The following NCKAP1L variants were observed in gnomAD, a reference collection of about 807,000 sequenced individuals.
NCKAP1L encodes the protein nck-associated protein 1-like.
Under a neutral mutation model 139.2 loss-of-function variants are expected in NCKAP1L, and 53 were observed. The ratio of observed to expected loss-of-function variants is 0.38; its 90% CI spans 0.31 to 0.48. The LOEUF is 0.48. Among genes scored for constraint, NCKAP1L ranks in the 20% least tolerant of loss-of-function variants. The pLI, the probability that NCKAP1L is intolerant of heterozygous loss-of-function variation, is 0.98. For missense variants in NCKAP1L, 1,151 were observed against 1,381.9 expected (o/e 0.83, Z 2.65); for synonymous variants, 468 against 499.7 (o/e 0.94, Z 0.85).
intron 18 of NCKAP1L, among the ~76,000 whole-genome samples, chr12:54,522,215 ATAAT>A (rs1956989412): frequency 6.6e-6 from 1 of 152,220 alleles, no homozygotes; most frequent in Non-Finnish European, 1.5e-5. Flanking sequence ...AGAAATTTAA[ATAAT>A]TAATGCAAGA....
Position 54,517,911 on chromosome 12 carries a change from T to A in NCKAP1L, c.1311T>A (p.Asp437Glu). The A allele has an allele frequency of 6.2e-7, 1 of 1,614,204 alleles. No individual in the cohort carries two copies. Among genetic ancestry groups the A allele is most frequent in the South Asian group, 1.1e-5 (1 of 91,080 alleles). The change falls in exon 13 of 31, where the codon GAT becomes GAA. Residue 437 changes from aspartate to glutamate, a missense_variant. By Grantham distance (45) the Asp-to-Glu change is conservative. Coordinates refer to ENST00000293373, the MANE Select transcript of NCKAP1L (RefSeq NM_005337.5). ...ACCTTCAGTACTTGGCAAGATTTGA[T>A]GCTCTTGTGCTCAGTGACATCATTC... is the stretch of plus-strand genomic sequence containing the variant. ...QYHLQYLARF[D>E]ALVLSDIIQN... is the part of the protein sequence containing the mutation.
chr12:54,535,782 C>G (rs546439430), intron 27 of NCKAP1L, among the ~76,000 whole-genome samples: 2 of 152,332 alleles, frequency 1.3e-5, no homozygotes, highest in African/African-American at 4.8e-5. Context: ...TTCTTCTTCT[C>G]TCATGGTGGG....
chr12:54,521,743 C>A (rs1271050787), intron 18 of NCKAP1L, among the ~76,000 whole-genome samples: 1 of 152,100 alleles, frequency 6.6e-6, no homozygotes, highest in Admixed American at 6.5e-5. Context: ...ACTCTTAGCA[C>A]CTCGTCATAA....
rs140186453 is a variant in NCKAP1L at position 54,516,252 on chromosome 12, G to T, written c.955G>T (p.Val319Leu). The T allele has an allele frequency of 1.5e-5, 25 of 1,613,874 alleles. No homozygotes were observed. Among genetic ancestry groups the T allele is most frequent in the Admixed American group, 8.3e-5 (5 of 60,000 alleles). Residue 319 changes from valine to leucine, a missense_variant, in exon 10 of 31, where the codon GTG becomes TTG. Transcript: ENST00000293373. ...FSSLKGYGKR[V>L]ADIKESKEHV... ...GTCAATCCTCAGGTATGGCAAGAGA[G>T]TGGCAGACATAAAGGAGAGCAAGGA... is the stretch of plus-strand genomic sequence containing the variant.
chr12:54,534,507 C>T (rs541583174), intron 26 of NCKAP1L, among the ~76,000 whole-genome samples: 22 of 152,202 alleles, frequency 1.4e-4, no homozygotes, highest in South Asian at 1.0e-3. Flanking sequence ...GTGGTACCAA[C>T]GTAAGGAGGG....
intron 30 of NCKAP1L, among the ~76,000 whole-genome samples, 194 bp from the exon 31 acceptor site, chr12:54,542,381 G>A (rs557085701): frequency 1.2e-4 from 18 of 152,272 alleles, no homozygotes; most frequent in African/African-American, 4.3e-4. Context: ...CAGGGTCAAT[G>A]ATAATGGAGC....
intron 27 of NCKAP1L, 63 bp downstream of exon 27, chr12:54,535,260 A>AAAATG: frequency 7.9e-7 from 1 of 1,271,792 alleles, no homozygotes; most frequent in Non-Finnish European, 1.1e-6. Context: ...TTTGGGTGAA[A>AAAATG]AAATGTCAAT....
intron 25 of NCKAP1L, 54 bp downstream of exon 25, chr12:54,531,879 G>A: frequency 3.6e-6 from 5 of 1,391,194 alleles, no homozygotes; most frequent in South Asian, 2.4e-5. Flanking sequence ...CTGTGGGTAG[G>A]GTTTGTATGA....
At chr12:54,513,468 T>G (rs1301313266) in intron 9 of NCKAP1L, among the ~76,000 whole-genome samples, 1 of 152,020 alleles carries the variant, frequency 6.6e-6, no homozygotes, top group African/African-American at 2.4e-5. Flanking sequence ...GGAGCACATG[T>G]GGAGTGAGAA....
At chr12:54,512,154 C>T in intron 9 of NCKAP1L, 49 bp downstream of exon 9, 1 of 1,579,066 alleles carries the variant, frequency 6.3e-7, no homozygotes, top group East Asian at 2.2e-5. Flanking sequence ...GTTTTTAGCC[C>T]CTCCAATATC....
Position 54,518,732 on chromosome 12 carries a change from G to T in NCKAP1L, c.1420G>T (p.Val474Phe). 3.7e-6 allele frequency: 6 copies of T among 1,611,170 alleles called. No homozygotes were observed. The highest frequency in any genetic ancestry group is 5.1e-6 in the Non-Finnish European group (6 of 1,177,400). ...CCTCTCCTCTCTGAATCTCAAACAA[G>T]GTAACTGGAGGGAGGTGGGGGAGGC... ...SILSSLNLKQVDNGEKFEFSG... is the reference protein window; with the variant it reads ...SILSSLNLKQFDNGEKFEFSG... The change falls in exon 14 of 31, where the codon GTT (valine) becomes TTT (phenylalanine). Residue 474 changes from valine (V) to phenylalanine (F), a missense_variant and splice_region_variant. Transcript: ENST00000293373.
chr12:54,504,063 T>A (rs1956823375), intron 3 of NCKAP1L, among the ~76,000 whole-genome samples: 1 of 152,246 alleles, frequency 6.6e-6, no homozygotes, highest in Admixed American at 6.5e-5. Flanking sequence ...CTAAAATGTA[T>A]ATTTACATAG....
chr12:54,510,246 T>C, intron 7 of NCKAP1L: 3 of 528,752 alleles, frequency 5.7e-6, no homozygotes, highest in Non-Finnish European at 1.0e-5. Flanking sequence ...TAAATATTCA[T>C]AGAATGAATG....
chr12:54,516,969 G>T lies in NCKAP1L; in HGVS notation c.1072G>T (p.Glu358Ter). The change falls in exon 11 of 31, where the codon GAA becomes TAA. Residue 358 changes from glutamate to a stop codon, truncating the protein, a stop_gained. Coordinates refer to ENST00000293373, the MANE Select transcript of NCKAP1L (RefSeq NM_005337.5). LOFTEE classifies it high-confidence loss of function. ...VKELETVLADEPGLLGPKALF... is the reference protein window; with the variant it reads ...VKELETVLAD ...GGAGCTGGAGACTGTGTTGGCTGAT[G>T]AACCGGGACTACTGGGTCCTAAGGC... 2 of 1,612,476 alleles carry T rather than the reference G, an allele frequency of 1.2e-6. No homozygotes were observed. The highest frequency in any genetic ancestry group is 2.2e-5 in the South Asian group (2 of 91,028).
At chr12:54,499,109 A>G (rs996506419) in intron 1 of NCKAP1L, among the ~76,000 whole-genome samples, 2 of 151,974 alleles carry the variant, frequency 1.3e-5, no homozygotes, top group African/African-American at 4.8e-5. Flanking sequence ...TATTTTTAGT[A>G]GAGACGGGGT....
intron 12 of NCKAP1L, 62 bp downstream of exon 12, chr12:54,517,704 G>T (rs1009261322): frequency 2.0e-5 from 31 of 1,585,122 alleles, no homozygotes; most frequent in Non-Finnish European, 2.5e-5. Flanking sequence ...GGAGGCATCA[G>T]ATGACCTTAG....
In NCKAP1L at chr12:54,521,078, C is replaced by A. The variant is rs143733818; in HGVS notation, c.1759-41C>A. 53 of 1,611,800 alleles carry A rather than the reference C, an allele frequency of 3.3e-5. No homozygotes were observed. In the East Asian group the frequency reaches 1.1e-3, roughly 35 times the overall value. On this transcript the variant is annotated intron_variant, in intron 17 of 30. Coordinates refer to ENST00000293373, the MANE Select transcript of NCKAP1L (RefSeq NM_005337.5). ...GTATTGTGAGGAAGAAGTGGCCGTG[C>A]TGGTGATGACAGTCTCTTCTTTGGT...
In NCKAP1L at chr12:54,519,254, A is replaced by G. The variant is rs769716123; in HGVS notation, c.1547A>G (p.Asn516Ser). 3.1e-6 allele frequency: 5 copies of G among 1,590,656 alleles called. No individual in the cohort carries two copies. The highest frequency in any genetic ancestry group is 1.4e-5 in the African/African-American group (1 of 73,388). The change falls in exon 16 of 31, where the codon AAC (asparagine) becomes AGC (serine). Residue 516 changes from asparagine to serine, a missense_variant. By Grantham distance (46) the Asn-to-Ser change is conservative. Coordinates refer to ENST00000293373, the MANE Select transcript of NCKAP1L (RefSeq NM_005337.5). ...AACCCTGACTTAGCCAAGGTGATGA[A>G]CCTCATTGTCTTCCACTCCCGAATG... ...HENPDLAKVM[N>S]LIVFHSRMLD... is the part of the protein sequence containing the mutation.
intron 21 of NCKAP1L, among the ~76,000 whole-genome samples, chr12:54,527,285 A>G (rs1469814509): frequency 1.3e-5 from 2 of 152,224 alleles, no homozygotes; most frequent in Non-Finnish European, 2.9e-5. Context: ...TACCTCCCCA[A>G]GCCACTGGGT....
Sources: gnomAD v4.1 joint callset for allele counts (sites outside exome capture counted in the v4.1 genomes callset) on GRCh38, gnomAD v4.1.1 for gene constraint, MANE v1.5 for transcripts, NCBI Gene and HGNC (gene_info 2026-07-23, HGNC 2026-07-21) for gene names.